The following KCNQ2 variants were observed in gnomAD, a reference collection of about 807,000 sequenced individuals.
The protein encoded by KCNQ2 is potassium voltage-gated channel subfamily KQT member 2.
In KCNQ2, 14 loss-of-function variants were observed where a neutral mutation model predicts 84.8. That is an observed-to-expected ratio of 0.17 (90% CI 0.11 to 0.26). The LOEUF (loss-of-function observed/expected upper bound fraction) is 0.26. KCNQ2 is among the 10% of genes least tolerant of loss of function. The pLI is 1.00. For synonymous variants in KCNQ2, 599 were observed against 554.1 expected (o/e 1.08, Z -1.14); for missense variants, 788 against 1,254.0 (o/e 0.63, Z 5.61).
In KCNQ2 at chr20:63,413,566, C is replaced by G; in HGVS notation, c.1647G>C (p.Leu549=). ...TCTCCTTGAACTTCCGCTTGGACAC[C>G]AGGAACCGCATGACACTGCAGGGGG... ...SIRAVCVMRF[L]VSKRKFKESL... The change falls in exon 15 of 17, where the codon CTG becomes CTC. Residue 549 remains leucine (L), a synonymous_variant. Transcript: ENST00000359125. 2 of 1,611,650 alleles carry G rather than the reference C, an allele frequency of 1.2e-6. No individual in the cohort carries two copies. The highest frequency in any genetic ancestry group is 1.7e-6 in the Non-Finnish European group (2 of 1,178,718).
chr20:63,411,821 T>C (rs1177687757), intron 15 of KCNQ2: 3 of 686,740 alleles, frequency 4.4e-6, no homozygotes, highest in African/African-American at 1.8e-5. Context: ...GTGGGTCCTT[T>C]GGTGGGGTAC....
At chr20:63,462,809 G>A (rs2081989201) in intron 1 of KCNQ2, among the ~76,000 whole-genome samples, 1 of 152,180 alleles carries the variant, frequency 6.6e-6, no homozygotes, top group Non-Finnish European at 1.5e-5. Flanking sequence ...ACGGAGCCTA[G>A]AGGGGGACAT....
intron 1 of KCNQ2, among the ~76,000 whole-genome samples, chr20:63,453,910 T>C (rs2081693803): frequency 6.6e-6 from 1 of 151,910 alleles, no homozygotes; most frequent in African/African-American, 2.4e-5. Context: ...AGACTTGAAT[T>C]CTGAGTCCTC....
At position 63,446,542 on chromosome 20, in the gene KCNQ2, G is replaced by A. The variant is rs914305578; in HGVS notation, c.387+205C>T. 5.9e-5 allele frequency among the ~76,000 whole-genome samples: 9 copies of A among 152,246 alleles called. No homozygotes were observed. The highest frequency in any genetic ancestry group is 2.2e-4 in the African/African-American group (9 of 41,544). The stretch of plus-strand genomic sequence containing the variant: ...GGTCACCAGGAGGGGTGAGGTGAGG[G>A]CTGAGTTACAGCCAGGGTGGGGCTG... On this transcript the variant is annotated intron_variant, in intron 2 of 16. Coordinates refer to ENST00000359125, the MANE Select transcript of KCNQ2 (RefSeq NM_172107.4). This position sits in a 1 kb window ranked among gnomAD's most constrained non-coding sequence, Gnocchi z 5.5.
chr20:63,420,205 C>T (rs1169272080), intron 11 of KCNQ2, among the ~76,000 whole-genome samples: 1 of 152,222 alleles, frequency 6.6e-6, no homozygotes, highest in African/African-American at 2.4e-5. Context: ...GCAGGCATGG[C>T]TATCTGGGGG....
At chr20:63,416,179 C>T (rs952992455) in intron 12 of KCNQ2, among the ~76,000 whole-genome samples, 1 of 151,950 alleles carries the variant, frequency 6.6e-6, no homozygotes, top group Non-Finnish European at 1.5e-5. Flanking sequence ...AGGCAGCCTC[C>T]AAAGCCACAG....
intron 6 of KCNQ2, 84 bp downstream of exon 6, chr20:63,439,514 A>G (rs1235824806): frequency 2.0e-6 from 2 of 1,014,018 alleles, no homozygotes; most frequent in African/African-American, 3.2e-5. Flanking sequence ...CCACCTAGGG[A>G]ACTGTGCCCA....
intron 1 of KCNQ2, among the ~76,000 whole-genome samples, chr20:63,454,380 C>T (rs1404243377): frequency 1.3e-5 from 2 of 152,194 alleles, no homozygotes; most frequent in African/African-American, 2.4e-5. Flanking sequence ...CTGCCGGGGG[C>T]GGCCGGTGCA....
At chr20:63,428,208 C>T (rs985204534) in intron 10 of KCNQ2, among the ~76,000 whole-genome samples, 159 bp downstream of exon 10, 2 of 152,192 alleles carry the variant, frequency 1.3e-5, no homozygotes, top group African/African-American at 4.8e-5. Context: ...TCAGCAGACG[C>T]GAAAAGAGAA....
chr20:63,400,285 C>A lies in KCNQ2; in HGVS notation c.*6359G>T, dbSNP rs1462487398. The A allele has an allele frequency of 4.2e-6, 1 of 236,178 alleles. No homozygotes were observed. Among genetic ancestry groups the A allele is most frequent in the East Asian group, 8.4e-5 (1 of 11,898 alleles). 14.6% of individuals were successfully genotyped at this position (236,178 alleles called of 1,614,324 possible). A position where few individuals can be genotyped will look rare whatever the true frequency, so the allele number is the denominator to read the frequency against. On this transcript the variant is annotated 3_prime_UTR_variant, in exon 17 of 17. Coordinates refer to ENST00000359125, the MANE Select transcript of KCNQ2 (RefSeq NM_172107.4). The surrounding 1 kb of genome is among the most constrained non-coding windows in gnomAD (Gnocchi z 8.7). The stretch of plus-strand genomic sequence containing the variant: ...AACTCGTCCCCGTGGCAGCAGGGAT[C>A]CCCAGAACCTTCCACGGCCATCGCG...
intron 1 of KCNQ2, among the ~76,000 whole-genome samples, chr20:63,455,046 C>T (rs868265260): frequency 8.5e-5 from 13 of 152,286 alleles, no homozygotes; most frequent in African/African-American, 1.9e-4. Context: ...GCCCAGGCAG[C>T]GGCCAAGTCT....
intron 1 of KCNQ2, among the ~76,000 whole-genome samples, chr20:63,461,244 G>C (rs1167471840): frequency 6.6e-6 from 1 of 152,216 alleles, no homozygotes; most frequent in Non-Finnish European, 1.5e-5. Context: ...CTCAGGCCAA[G>C]GCCCCCCCAA....
chr20:63,448,836 G>C (rs978603055), intron 1 of KCNQ2, among the ~76,000 whole-genome samples: 9 of 152,144 alleles, frequency 5.9e-5, no homozygotes, highest in African/African-American at 1.4e-4. Flanking sequence ...GGGCATCCTG[G>C]GGGGGAGTCT....
chr20:63,414,281 C>A lies in KCNQ2; in HGVS notation c.1526-88G>T. 1.0e-6 allele frequency: 1 copy of A among 971,648 alleles called. No homozygotes were observed. The highest frequency in any genetic ancestry group is 1.6e-6 in the Non-Finnish European group (1 of 612,104). The allele number at this position is 971,648 out of a possible 1,614,324, so 60.2% of individuals were successfully genotyped here. Reference sequence around the variant, plus strand: ...TGCAGGGCACACCGGCTAGACAGAGCGCCAGGGAGCCCCTCGAGGCTCCCT... The same window carrying A: ...TGCAGGGCACACCGGCTAGACAGAGAGCCAGGGAGCCCCTCGAGGCTCCCT... On this transcript the variant is annotated intron_variant, in intron 13 of 16. Transcript: ENST00000359125. The surrounding 1 kb of genome is among the most constrained non-coding windows in gnomAD (Gnocchi z 6.6).
At chr20:63,423,089 C>T (rs2080523035) in intron 11 of KCNQ2, among the ~76,000 whole-genome samples, 1 of 152,220 alleles carries the variant, frequency 6.6e-6, no homozygotes, top group South Asian at 2.1e-4. Context: ...CCAGCTCTTT[C>T]TGGGCCCTCG....
At chr20:63,415,183 A>C (rs1369280553) in intron 12 of KCNQ2, 57 bp from the exon 13 acceptor site, 1 of 1,465,796 alleles carries the variant, frequency 6.8e-7, no homozygotes, top group Non-Finnish European at 9.4e-7. Flanking sequence ...GTCACTCTGC[A>C]AAGAACACAG....
At chr20:63,469,267 G>A (rs995511866) in intron 1 of KCNQ2, among the ~76,000 whole-genome samples, 1 of 152,234 alleles carries the variant, frequency 6.6e-6, no homozygotes, top group African/African-American at 2.4e-5. Flanking sequence ...GGGAGGTCTG[G>A]GAGAGGTGGC....
intron 1 of KCNQ2, among the ~76,000 whole-genome samples, chr20:63,467,635 G>C (rs73918933): frequency 0.011 from 1,742 of 152,320 alleles, 29 homozygotes; most frequent in African/African-American, 0.04. Flanking sequence ...GGAGCACAGG[G>C]ACTAACGGAG....
intron 8 of KCNQ2, chr20:63,433,470 C>T (rs1000507939): frequency 3.8e-6 from 2 of 532,832 alleles, no homozygotes; most frequent in Non-Finnish European, 3.3e-6. Context: ...CCAGAGCAGC[C>T]CGGGGAGCAG....
Sources: gnomAD v4.1 joint callset for allele counts (sites outside exome capture counted in the v4.1 genomes callset) on GRCh38, gnomAD v4.1.1 for gene constraint, Gnocchi (gnomAD v3.1) non-coding constraint, MANE v1.5 for transcripts, NCBI Gene and HGNC (gene_info 2026-07-23, HGNC 2026-07-21) for gene names.